The following ZNF493 variants were observed in gnomAD, a reference collection of about 807,000 sequenced individuals.
ZNF493 encodes the protein zinc finger protein 493.
Under a neutral mutation model 12.2 loss-of-function variants are expected in ZNF493, and 11 were observed. The observed-to-expected ratio is 0.90, with a 90% CI of 0.57 to 1.50. The LOEUF is 1.50. ZNF493 is among the 40% of genes most tolerant of loss of function. The pLI is 0.00. For synonymous variants in ZNF493, 286 were observed against 302.6 expected (o/e 0.95, Z 0.57); for missense variants, 950 against 906.6 (o/e 1.05, Z -0.61).
At chr19:21,413,634 C>T (rs1009468522) in intron 3 of ZNF493, 40 of 416,580 alleles carry the variant, frequency 9.6e-5, no homozygotes, top group Non-Finnish European at 1.2e-5. Context: ...GCATCTGGCT[C>T]ATGATAAAGT....
At position 21,424,332 on chromosome 19, in the gene ZNF493, C is replaced by T. The variant is rs2030786298; in HGVS notation, c.1673C>T (p.Ser558Leu). Residue 558 changes from serine (S) to leucine (L), a missense_variant, in exon 4 of 4, where the codon TCA (serine) becomes TTA (leucine). By Grantham distance (145) the Ser-to-Leu change is moderately radical (BLOSUM62 -2). Coordinates refer to ENST00000392288, the MANE Select transcript of ZNF493 (RefSeq NM_001076678.3). Reference protein sequence around the residue: ...EECGKAFNRSSHLTTHKRIHT... With the variant: ...EECGKAFNRSLHLTTHKRIHT... The stretch of plus-strand genomic sequence containing the variant: ...TGTGGCAAAGCTTTTAATCGGTCCT[C>T]ACACCTTACTACACATAAGAGAATT... 2.5e-6 allele frequency: 4 copies of T among 1,613,676 alleles called. No individual in the cohort carries two copies. The East Asian group carries it at 8.9e-5, about 36-fold the overall frequency.
At chr19:21,419,869 G>C (rs919366090) in intron 3 of ZNF493, among the ~76,000 whole-genome samples, 1 of 152,104 alleles carries the variant, frequency 6.6e-6, no homozygotes, top group African/African-American at 2.4e-5. Context: ...GGGTGAGAGG[G>C]AAGAGAGAGT....
At chr19:21,398,683 G>T in intron 1 of ZNF493, 1 of 344,238 alleles carries the variant, frequency 2.9e-6, no homozygotes. Flanking sequence ...GAATCTTCCG[G>T]TGTACTCTTA....
At chr19:21,398,668 G>A in intron 1 of ZNF493, 4 of 375,434 alleles carry the variant, frequency 1.1e-5, no homozygotes, top group Non-Finnish European at 2.1e-5. Flanking sequence ...TTCTGGGGCT[G>A]AGGGGAATCT....
At position 21,425,467 on chromosome 19, in the gene ZNF493, A is replaced by G. The variant is rs76952117; in HGVS notation, c.*483A>G. 0.32 allele frequency: 142,783 copies of G among 448,080 alleles called. 28,580 individuals are homozygous for G. Among genetic ancestry groups the G allele is most frequent in the East Asian group, 0.49 (10,408 of 21,074 alleles). The allele number at this position is 448,080 out of a possible 1,614,324, so 27.8% of individuals were successfully genotyped here. ...TGTGAAGAATGTGGCAAAGCTTTTA[A>G]CAAATCCTCATCCATTAGTAAACAT... On this transcript the variant is annotated 3_prime_UTR_variant, in exon 4 of 4. Transcript: ENST00000392288.
intron 3 of ZNF493, among the ~76,000 whole-genome samples, chr19:21,409,283 GTGTTTAATCATGAATA>G (rs1297449616): frequency 5.9e-5 from 9 of 152,020 alleles, no homozygotes; most frequent in Non-Finnish European, 2.9e-5. Context: ...TTTTCATGAT[GTGTTTAATCATGAATA>G]TATATTCCCT....
At chr19:21,412,827 A>T (rs908228602) in intron 3 of ZNF493, 6 of 330,398 alleles carry the variant, frequency 1.8e-5, no homozygotes, top group Non-Finnish European at 2.3e-5. Context: ...GTCTTTCTAG[A>T]TGCTTTTTTA....
chr19:21,398,183 A>C (rs939980837), intron 1 of ZNF493: 2 of 152,696 alleles, frequency 1.3e-5, no homozygotes, highest in African/African-American at 4.8e-5. Context: ...ACGTTCCTAA[A>C]TGCCACCTTT....
At chr19:21,420,623 A>ATTTT (rs1164416201) in intron 3 of ZNF493, among the ~76,000 whole-genome samples, 4 of 16,118 alleles carry the variant, frequency 2.5e-4, no homozygotes, top group Non-Finnish European at 4.3e-4. Flanking sequence ...ATATATATAT[A>ATTTT]TTTTTTTTTT....
intron 3 of ZNF493, chr19:21,407,691 G>A (rs1177651701): frequency 1.0e-6 from 1 of 970,518 alleles, no homozygotes; most frequent in African/African-American, 1.8e-5. Flanking sequence ...TTAATTTACT[G>A]ACTGTATTAT....
At position 21,426,744 on chromosome 19, in the gene ZNF493, AT is replaced by A. The variant is rs2030865345; in HGVS notation, c.*1761del. 1 of 166,992 alleles carries A rather than the reference AT, an allele frequency of 6.0e-6. No homozygotes were observed. Among genetic ancestry groups the A allele is most frequent in the Non-Finnish European group, 1.5e-5 (1 of 68,072 alleles). The allele number at this position is 166,992 out of a possible 1,614,324, so 10.3% of individuals were successfully genotyped here. A position where few individuals can be genotyped will look rare whatever the true frequency, so the allele number is the denominator to read the frequency against. ...ATATATTTTCAAAGGTGTAGTAAAA[AT>A]AAAAAAAATTTTAATCCAAATTTGT... On this transcript the variant is annotated 3_prime_UTR_variant, in exon 4 of 4. Transcript: ENST00000392288.
intron 3 of ZNF493, 78 bp from the exon 4 acceptor site, chr19:21,422,835 A>C: frequency 7.7e-7 from 1 of 1,300,036 alleles, no homozygotes; most frequent in South Asian, 1.6e-5. Context: ...AGTTTGTATA[A>C]TATTATAGTT....
In ZNF493 at chr19:21,416,497, T is replaced by A. The variant is rs2030498226; in HGVS notation, c.254-6416T>A. Among the ~76,000 whole-genome samples the A allele has an allele frequency of 3.3e-5, 5 of 152,176 alleles. No individual in the cohort carries two copies. The South Asian group carries it at 1.0e-3, about 32-fold the overall frequency. On this transcript the variant is annotated intron_variant, in intron 3 of 3. Transcript: ENST00000392288. Reference sequence around the variant, plus strand: ...TTTACCAACTCCAACTATATTAAATTGAGTGGGTTGAATTGGTCACGCGGA... The same window carrying A: ...TTTACCAACTCCAACTATATTAAATAGAGTGGGTTGAATTGGTCACGCGGA...
chr19:21,400,420 T>C (rs2029899980), intron 1 of ZNF493, among the ~76,000 whole-genome samples: 1 of 151,350 alleles, frequency 6.6e-6, no homozygotes, highest in Non-Finnish European at 1.5e-5. Context: ...AAAAAAAAAA[T>C]GTAAGCACCT....
chr19:21,422,944 C>A lies in ZNF493; in HGVS notation c.285C>A (p.Cys95Ter). 6.4e-7 allele frequency: 1 copy of A among 1,572,328 alleles called. No individual in the cohort carries two copies. Among genetic ancestry groups the A allele is most frequent in the Non-Finnish European group, 8.6e-7 (1 of 1,162,438 alleles). ...VICSHFAEDF[C>*]PGPGIKDSFQ... ...GTTCTCATTTTGCTGAAGACTTTTG[C>A]CCAGGGCCAGGCATTAAAGATTCTT... The change falls in exon 4 of 4, where the codon TGC (cysteine) becomes TGA (stop). Residue 95 changes from cysteine to a stop codon, truncating the protein, a stop_gained. Transcript: ENST00000392288. LOFTEE classifies it low-confidence loss of function (END_TRUNC).
intron 1 of ZNF493, among the ~76,000 whole-genome samples, chr19:21,400,446 C>T (rs945494656): frequency 5.9e-5 from 9 of 151,894 alleles, no homozygotes; most frequent in East Asian, 1.9e-4. Flanking sequence ...TTTTTTTTCC[C>T]GTATGTGAAC....
At chr19:21,420,273 T>A (rs1220695367) in intron 3 of ZNF493, among the ~76,000 whole-genome samples, 2 of 152,136 alleles carry the variant, frequency 1.3e-5, no homozygotes, top group Non-Finnish European at 2.9e-5. Flanking sequence ...ATTTTCTGTC[T>A]CTTTGTGTCT....
At chr19:21,415,876 G>A (rs963154638) in intron 3 of ZNF493, among the ~76,000 whole-genome samples, 2 of 147,680 alleles carry the variant, frequency 1.4e-5, no homozygotes, top group Non-Finnish European at 1.5e-5. Context: ...CAATTTTTTG[G>A]AATTATAGCA....
chr19:21,413,377 G>A (rs1186685742), intron 3 of ZNF493: 1 of 406,348 alleles, frequency 2.5e-6, no homozygotes, highest in Non-Finnish European at 4.3e-6. Flanking sequence ...GTCAGCCCTT[G>A]TTGAAGGAAT....
Sources: gnomAD v4.1 joint callset for allele counts (sites outside exome capture counted in the v4.1 genomes callset) on GRCh38, gnomAD v4.1.1 for gene constraint, MANE v1.5 for transcripts, NCBI Gene and HGNC (gene_info 2026-07-23, HGNC 2026-07-21) for gene names.